The following TMC1 variants were observed in gnomAD, a reference collection of about 807,000 sequenced individuals.
The protein encoded by TMC1 is transmembrane channel-like protein 1.
A neutral mutation model predicts 105.8 loss-of-function variants in TMC1; 84 were observed. The ratio of observed to expected loss-of-function variants is 0.79; its 90% CI spans 0.67 to 0.95. The LOEUF is 0.95. TMC1 is among the 40% of genes least tolerant of loss of function. TMC1 has a pLI of 0.00. For synonymous variants in TMC1, 315 were observed against 311.5 expected, an observed-to-expected ratio of 1.01 and a Z score of -0.12; for missense variants, 817 against 914.1, an observed-to-expected ratio of 0.89 and a Z score of 1.37.
At chr9:72,665,149 A>G (rs1826022832) in intron 5 of TMC1, among the ~76,000 whole-genome samples, 1 of 152,212 alleles carries the variant, frequency 6.6e-6, no homozygotes, top group South Asian at 2.1e-4. Flanking sequence ...TAATCTTATG[A>G]TACCACCTTT....
chr9:72,744,470 A>C (rs141883216), intron 10 of TMC1, among the ~76,000 whole-genome samples: 1 of 152,338 alleles, frequency 6.6e-6, no homozygotes, highest in African/African-American at 2.4e-5. Flanking sequence ...CTTAGGTTTC[A>C]ACTGTACAGC....
At chr9:72,758,910 C>T (rs1473213756) in intron 12 of TMC1, among the ~76,000 whole-genome samples, 4 of 151,820 alleles carry the variant, frequency 2.6e-5, no homozygotes, top group African/African-American at 9.7e-5. Context: ...ATATTATACT[C>T]ATATATTTAT....
intron 5 of TMC1, among the ~76,000 whole-genome samples, chr9:72,658,833 C>G (rs895140184): frequency 6.6e-6 from 1 of 152,212 alleles, no homozygotes; most frequent in South Asian, 2.1e-4. Context: ...CGGGAAAATA[C>G]GTAATCTAAG....
At position 72,700,524 on chromosome 9, in the gene TMC1, A is replaced by C. The variant is rs536350054; in HGVS notation, c.243A>C (p.Glu81Asp). 5 of 1,595,678 alleles carry C rather than the reference A, an allele frequency of 3.1e-6. No homozygotes were observed. The African/African-American group carries it at 6.7e-5, about 21-fold the overall frequency. Residue 81 changes from glutamate (E) to aspartate (D), a missense_variant, in exon 8 of 24, where the codon GAA becomes GAC. Transcript: ENST00000297784. ...RRRRLKRGAEEEEIDEEELER... is the reference protein window; with the variant it reads ...RRRRLKRGAEDEEIDEEELER... ...TTCTTTTTTACTTTTAAAGAGAAGA[A>C]GAAGAAATTGATGAAGAGGAATTGG...
chr9:72,593,643 C>T (rs988401211), intron 2 of TMC1, among the ~76,000 whole-genome samples: 2 of 151,594 alleles, frequency 1.3e-5, no homozygotes, highest in Middle Eastern at 3.2e-3. Context: ...CTGCCCACCT[C>T]GGCCTCCCAA....
At chr9:72,652,024 G>A (rs114713403) in intron 5 of TMC1, among the ~76,000 whole-genome samples, 1 of 152,186 alleles carries the variant, frequency 6.6e-6, no homozygotes, top group African/African-American at 2.4e-5. Flanking sequence ...TTCCACTCCC[G>A]AGTTGCTTCA....
intron 3 of TMC1, among the ~76,000 whole-genome samples, chr9:72,621,256 AC>A (rs1825243262): frequency 6.6e-6 from 1 of 152,208 alleles, no homozygotes; most frequent in Admixed American, 6.5e-5. Flanking sequence ...AAAATGAAAA[AC>A]ATATATCCTT....
At chr9:72,804,502 G>A (rs1057357232) in intron 17 of TMC1, among the ~76,000 whole-genome samples, 1 of 152,148 alleles carries the variant, frequency 6.6e-6, no homozygotes, top group Non-Finnish European at 1.5e-5. Flanking sequence ...ATATACCATT[G>A]TGCAGACATT....
intron 5 of TMC1, chr9:72,656,010 C>T (rs186102344): frequency 8.9e-5 from 68 of 767,430 alleles, no homozygotes; most frequent in Admixed American, 8.6e-4. Flanking sequence ...TAGTGATTCT[C>T]AAAGTCTTAG....
chr9:72,831,886 C>T (rs1033315359), intron 23 of TMC1, among the ~76,000 whole-genome samples: 41 of 151,606 alleles, frequency 2.7e-4, no homozygotes, highest in African/African-American at 5.1e-4. Context: ...TGAATAGTGC[C>T]GCAATAAACA....
chr9:72,817,762 T>A (rs1828809695), intron 19 of TMC1, among the ~76,000 whole-genome samples: 1 of 152,214 alleles, frequency 6.6e-6, no homozygotes, highest in Non-Finnish European at 1.5e-5. Flanking sequence ...CCACTATTGT[T>A]CATATTGAAA....
chr9:72,611,426 G>A (rs577867800), intron 2 of TMC1, among the ~76,000 whole-genome samples: 31 of 152,360 alleles, frequency 2.0e-4, no homozygotes, highest in African/African-American at 7.0e-4. Flanking sequence ...CGGATTTTAC[G>A]ATTAGGATAT....
intron 1 of TMC1, among the ~76,000 whole-genome samples, chr9:72,551,030 T>C (rs141508798): frequency 6.6e-6 from 1 of 152,196 alleles, no homozygotes; most frequent in East Asian, 1.9e-4. Flanking sequence ...ATAAATTCTG[T>C]GGTGAAAGAA....
chr9:72,573,396 A>T (rs1346506928), intron 1 of TMC1, among the ~76,000 whole-genome samples: 1 of 152,208 alleles, frequency 6.6e-6, no homozygotes, highest in Non-Finnish European at 1.5e-5. Flanking sequence ...GGTAGGATAA[A>T]TGCACAGCCT....
intron 17 of TMC1, among the ~76,000 whole-genome samples, chr9:72,796,542 T>C (rs2118210245): frequency 6.6e-6 from 1 of 152,308 alleles, no homozygotes; most frequent in African/African-American, 2.4e-5. Flanking sequence ...GTAGGCGTCA[T>C]CCTTGGGATG....
chr9:72,554,047 T>C (rs1823894185), intron 1 of TMC1, among the ~76,000 whole-genome samples: 1 of 152,306 alleles, frequency 6.6e-6, no homozygotes, highest in East Asian at 1.9e-4. Context: ...TAACAATATT[T>C]CTTCATGATT....
intron 6 of TMC1, among the ~76,000 whole-genome samples, chr9:72,689,155 G>A (rs1826421628): frequency 6.6e-6 from 1 of 152,004 alleles, no homozygotes; most frequent in African/African-American, 2.4e-5. Context: ...GGACGAAAAG[G>A]GTATAATCTA....
At chr9:72,786,764 T>A (rs114035607) in intron 13 of TMC1, among the ~76,000 whole-genome samples, 1,598 of 152,244 alleles carry the variant, frequency 0.01, 36 homozygotes, top group African/African-American at 0.037. Flanking sequence ...TTCACACCCT[T>A]TCCCACATGT....
chr9:72,563,675 G>C (rs12552404), intron 1 of TMC1, among the ~76,000 whole-genome samples: 80,323 of 151,656 alleles, frequency 0.53, 22,355 homozygotes, highest in African/African-American at 0.71. Context: ...GAGATGGGTG[G>C]ATCACCTGAG....
Sources: gnomAD v4.1 joint callset for allele counts (sites outside exome capture counted in the v4.1 genomes callset) on GRCh38, gnomAD v4.1.1 for gene constraint, MANE v1.5 for transcripts, NCBI Gene and HGNC (gene_info 2026-07-23, HGNC 2026-07-21) for gene names.